PRR16: variants seen among roughly 807,000 people sequenced by gnomAD.
PRR16 encodes the protein proline rich 16, also known as protein Largen.
PRR16 carries 6 observed loss-of-function variants against 18.2 expected under a neutral mutation model. The observed-to-expected ratio is 0.33, with a 90% CI of 0.18 to 0.65. PRR16 has a LOEUF of 0.65. Ranked by LOEUF, PRR16 falls within the 30% of genes least tolerant of loss-of-function variation. PRR16 has a pLI of 0.74. For synonymous variants in PRR16, 151 were observed against 147.8 expected (o/e 1.02, Z -0.16); for missense variants, 412 against 376.6 (o/e 1.09, Z -0.78).
chr5:120,631,616 C>T (rs1755057374), intron 1 of PRR16, among the ~76,000 whole-genome samples: 1 of 151,946 alleles, frequency 6.6e-6, no homozygotes, highest in Admixed American at 6.6e-5. Flanking sequence ...CATAATCTCC[C>T]TGTGAATATA....
intron 1 of PRR16, among the ~76,000 whole-genome samples, chr5:120,524,126 C>T (rs1751277080): frequency 6.6e-6 from 1 of 152,128 alleles, no homozygotes; most frequent in African/African-American, 2.4e-5. Flanking sequence ...TATGTAAACT[C>T]CTCAGTGGCA....
At chr5:120,585,277 T>G (rs906524751) in intron 1 of PRR16, among the ~76,000 whole-genome samples, 4 of 152,106 alleles carry the variant, frequency 2.6e-5, no homozygotes, top group Non-Finnish European at 5.9e-5. Flanking sequence ...ACTGAGCTGA[T>G]TTGAAGAATG....
chr5:120,573,751 G>A (rs1752977799), intron 1 of PRR16, among the ~76,000 whole-genome samples: 1 of 152,126 alleles, frequency 6.6e-6, no homozygotes, highest in Non-Finnish European at 1.5e-5. Context: ...TGCAGCCATG[G>A]AGAAAGAATG....
At chr5:120,474,587 A>T (rs1350562879) in intron 1 of PRR16, among the ~76,000 whole-genome samples, 2 of 129,828 alleles carry the variant, frequency 1.5e-5, no homozygotes, top group Non-Finnish European at 3.3e-5. Flanking sequence ...TGTATTTGCT[A>T]TCTTTTTTTT....
At chr5:120,576,535 GAGTAAAGGAAAC>G (rs1357790988) in intron 1 of PRR16, among the ~76,000 whole-genome samples, 1 of 152,152 alleles carries the variant, frequency 6.6e-6, no homozygotes, top group African/African-American at 2.4e-5. Context: ...TGAGGATGTG[GAGTAAAGGAAAC>G]CCTTATACTC....
chr5:120,687,690 C>T (rs1033910603), downstream of PRR16, among the ~76,000 whole-genome samples: 1 of 152,156 alleles, frequency 6.6e-6, no homozygotes, highest in Non-Finnish European at 1.5e-5. Flanking sequence ...TATCTGAATG[C>T]TTCTGGTATC....
chr5:120,767,334 C>T, the PRR16 span, among the ~76,000 whole-genome samples: 3 of 151,870 alleles, frequency 2.0e-5, no homozygotes, highest in Non-Finnish European at 4.4e-5. Context: ...TATGTTTTGT[C>T]ATGCCCAAAT....
chr5:120,759,755 T>C, the PRR16 span, among the ~76,000 whole-genome samples: 2 of 152,142 alleles, frequency 1.3e-5, no homozygotes, highest in African/African-American at 4.8e-5. Context: ...TGAAACAATC[T>C]CTTTGAAGTG....
At chr5:120,701,206 C>T in the PRR16 span, among the ~76,000 whole-genome samples, 2 of 152,070 alleles carry the variant, frequency 1.3e-5, no homozygotes, top group Non-Finnish European at 2.9e-5. Context: ...ACCTTGAAGG[C>T]GAGGTTAATT....
intron 1 of PRR16, among the ~76,000 whole-genome samples, chr5:120,570,460 A>C (rs908283167): frequency 6.6e-6 from 1 of 152,198 alleles, no homozygotes; most frequent in Non-Finnish European, 1.5e-5. Context: ...GGGACCTACG[A>C]AGCTTAAATG....
chr5:120,680,686 T>A lies in PRR16; in HGVS notation c.160-5268T>A, dbSNP rs539953312. On this transcript the variant is annotated intron_variant, in intron 1 of 1. Coordinates refer to ENST00000407149, the MANE Select transcript of PRR16 (RefSeq NM_001300783.2). ...ACAATGCATAAGTTCCAATTATAGA[T>A]ATCATCACCAACAATTGGGATTATC... Among the ~76,000 whole-genome samples the A allele has an allele frequency of 4.6e-5, 7 of 152,308 alleles. No homozygotes were observed. In the East Asian group the frequency reaches 7.7e-4, roughly 17 times the overall value.
At chr5:120,561,600 A>T (rs898800087) in intron 1 of PRR16, among the ~76,000 whole-genome samples, 1 of 152,080 alleles carries the variant, frequency 6.6e-6, no homozygotes, top group Non-Finnish European at 1.5e-5. Flanking sequence ...TAGCCTTTGG[A>T]TAAAATGTTA....
chr5:120,503,183 T>G (rs977819257), intron 1 of PRR16, among the ~76,000 whole-genome samples: 3 of 152,122 alleles, frequency 2.0e-5, no homozygotes, highest in Non-Finnish European at 4.4e-5. Flanking sequence ...CATTAAAAAA[T>G]CTTAAGTCTT....
chr5:120,587,547 C>T (rs1431264840), intron 1 of PRR16, among the ~76,000 whole-genome samples: 1 of 152,116 alleles, frequency 6.6e-6, no homozygotes, highest in African/African-American at 2.4e-5. Flanking sequence ...ATCTACTTTG[C>T]CCTTGCTCTA....
At chr5:120,511,154 G>A (rs1750813567) in intron 1 of PRR16, among the ~76,000 whole-genome samples, 1 of 152,158 alleles carries the variant, frequency 6.6e-6, no homozygotes, top group East Asian at 1.9e-4. Flanking sequence ...TTAGCTATCT[G>A]ATTTTCTCCC....
At chr5:120,545,563 C>G (rs1752050048) in intron 1 of PRR16, among the ~76,000 whole-genome samples, 1 of 151,942 alleles carries the variant, frequency 6.6e-6, no homozygotes, top group Non-Finnish European at 1.5e-5. Context: ...AAAATAAGCA[C>G]TAAATAAGGT....
At chr5:120,715,121 G>C in the PRR16 span, among the ~76,000 whole-genome samples, 1 of 151,122 alleles carries the variant, frequency 6.6e-6, no homozygotes, top group Non-Finnish European at 1.5e-5. Context: ...AAAAAAAGTC[G>C]TAGCCATAGC....
At chr5:120,649,283 T>C (rs2150130142) in intron 1 of PRR16, among the ~76,000 whole-genome samples, 1 of 152,272 alleles carries the variant, frequency 6.6e-6, no homozygotes, top group African/African-American at 2.4e-5. Context: ...GGTATTTTTC[T>C]CTAGGAAGTT....
chr5:120,737,724 C>T, the PRR16 span, among the ~76,000 whole-genome samples: 1 of 151,262 alleles, frequency 6.6e-6, no homozygotes, highest in African/African-American at 2.4e-5. Flanking sequence ...GTAAAGCCAT[C>T]CAGTACGGGA....
Sources: gnomAD v4.1 joint callset for allele counts (sites outside exome capture counted in the v4.1 genomes callset) on GRCh38, gnomAD v4.1.1 for gene constraint, MANE v1.5 for transcripts, NCBI Gene and HGNC (gene_info 2026-07-23, HGNC 2026-07-21) for gene names.